Variants in PCDHGA8 observed in about 807,000 individuals in gnomAD.
PCDHGA8 encodes protocadherin gamma subfamily A, 8, also known as protocadherin gamma-A8.
Under a neutral mutation model 59.2 loss-of-function variants are expected in PCDHGA8, and 45 were observed. That is an observed-to-expected ratio of 0.76 (90% CI 0.60 to 0.98). The LOEUF (loss-of-function observed/expected upper bound fraction) is 0.98, where lower values mean the gene tolerates loss of function less well. PCDHGA8 is among the 50% of genes least tolerant of loss of function. PCDHGA8 has a pLI of 0.00. For synonymous variants in PCDHGA8, 531 were observed against 519.0 expected, an observed-to-expected ratio of 1.02 and a Z score of -0.32; for missense variants, 1,257 against 1,196.2, an observed-to-expected ratio of 1.05 and a Z score of -0.75.
chr5:141,476,557 C>T lies in PCDHGA8; in HGVS notation c.2425-18250C>T. On this transcript the variant is annotated intron_variant, in intron 1 of 3. Coordinates refer to ENST00000398604, the MANE Select transcript of PCDHGA8 (RefSeq NM_032088.2). This position sits in a 1 kb window ranked among gnomAD's most constrained non-coding sequence, Gnocchi z 7.6. ...AAATGAAATTGGAGATTAGCGAGGC[C>T]GTGGCTCCGGGGACGCGCTTTCCGC... The T allele has an allele frequency of 1.2e-6, 2 of 1,614,222 alleles. No homozygotes were observed. The highest frequency in any genetic ancestry group is 1.3e-5 in the African/African-American group (1 of 75,060).
Position 141,394,100 on chromosome 5 carries a change from A to G in PCDHGA8, c.1287A>G (p.Thr429=), listed in dbSNP as rs370480326. 2 of 1,613,942 alleles carry G rather than the reference A, an allele frequency of 1.2e-6. No individual in the cohort carries two copies. Among genetic ancestry groups the G allele is most frequent in the Non-Finnish European group, 1.7e-6 (2 of 1,179,848 alleles). Reference sequence around the variant, plus strand: ...CAGTGATGGCCTCAGATCTAGGAACACCACCTCTGTCCACTGAAACTCAAA... The same window carrying G: ...CAGTGATGGCCTCAGATCTAGGAACGCCACCTCTGTCCACTGAAACTCAAA... ...NITVMASDLG[T]PPLSTETQIA... Residue 429 remains threonine (T), a synonymous_variant, in exon 1 of 4, where the codon ACA becomes ACG. Coordinates refer to ENST00000398604, the MANE Select transcript of PCDHGA8 (RefSeq NM_032088.2).
intron 1 of PCDHGA8, among the ~76,000 whole-genome samples, chr5:141,407,816 ATAT>A (rs1270765996): frequency 6.6e-6 from 1 of 152,228 alleles, no homozygotes; most frequent in Non-Finnish European, 1.5e-5. Context: ...ATCTACTATA[ATAT>A]TATGGTGAGA....
At position 141,431,438 on chromosome 5, in the gene PCDHGA8, C is replaced by G. The variant is rs773812765; in HGVS notation, c.2424+36201C>G. The G allele has an allele frequency of 3.9e-5, 63 of 1,613,612 alleles. No homozygotes were observed. In the East Asian group the frequency reaches 1.4e-3, roughly 35 times the overall value. ...CGACCCGGTGCGCACAGGCACCGCG[C>G]GCATCCGCGTGATGGTTCTGGATGC... is the stretch of plus-strand genomic sequence containing the variant. On this transcript the variant is annotated intron_variant, in intron 1 of 3. Coordinates refer to ENST00000398604, the MANE Select transcript of PCDHGA8 (RefSeq NM_032088.2). The surrounding 1 kb of genome is among the most constrained non-coding windows in gnomAD (Gnocchi z 4.8).
At chr5:141,510,155 C>G (rs1044168112) in intron 3 of PCDHGA8, among the ~76,000 whole-genome samples, 2 of 151,942 alleles carry the variant, frequency 1.3e-5, no homozygotes, top group African/African-American at 4.8e-5. Context: ...CACCTGTAAT[C>G]TCAGCTACTC....
At chr5:141,460,977 G>A in intron 1 of PCDHGA8, among the ~76,000 whole-genome samples, 1 of 131,518 alleles carries the variant, frequency 7.6e-6, no homozygotes, top group African/African-American at 3.4e-5. Context: ...GTGTGTGTGT[G>A]TGTGTGTATA....
chr5:141,485,663 A>G lies in PCDHGA8; in HGVS notation c.2425-9144A>G, dbSNP rs1594506698. ...AAAGGCTCAGGATGCAGATGTGGGG[A>G]GCAATTCGATTAGCAGCTATAGGCT... On this transcript the variant is annotated intron_variant, in intron 1 of 3. Transcript: ENST00000398604. The surrounding 1 kb of genome is among the most constrained non-coding windows in gnomAD (Gnocchi z 5.7). The G allele has an allele frequency of 1.2e-6, 2 of 1,612,638 alleles. No homozygotes were observed. Among genetic ancestry groups the G allele is most frequent in the East Asian group, 4.5e-5 (2 of 44,840 alleles).
At chr5:141,415,185 C>G (rs375113497) in intron 1 of PCDHGA8, 66 of 1,613,860 alleles carry the variant, frequency 4.1e-5, no homozygotes, top group Non-Finnish European at 5.4e-5. Flanking sequence ...CCGTGGCCGA[C>G]AGCATCCCCC....
chr5:141,464,063 A>G (rs893270944), intron 1 of PCDHGA8, among the ~76,000 whole-genome samples: 2 of 152,016 alleles, frequency 1.3e-5, no homozygotes, highest in Non-Finnish European at 2.9e-5. Flanking sequence ...TCAGGAGTTC[A>G]AGGCCAGCCT....
chr5:141,405,331 C>G (rs1561699778), intron 1 of PCDHGA8: 1 of 1,614,186 alleles, frequency 6.2e-7, no homozygotes, highest in Non-Finnish European at 8.5e-7. Flanking sequence ...CTTTGTGCGT[C>G]TCTGTTGATT....
intron 1 of PCDHGA8, chr5:141,422,211 C>G: frequency 6.4e-7 from 1 of 1,563,286 alleles, no homozygotes; most frequent in Non-Finnish European, 8.6e-7. Context: ...GTGGAGGTCT[C>G]TTTACCACCA....
In PCDHGA8 at chr5:141,510,980, G is replaced by A; in HGVS notation, c.2606G>A (p.Gly869Asp). The change falls in exon 4 of 4, where the codon GGT becomes GAT. Residue 869 changes from glycine (G) to aspartate (D), a missense_variant. Transcript: ENST00000398604. ...AADGSSTLGGGAGTMGLSARY... is the reference protein window; with the variant it reads ...AADGSSTLGGDAGTMGLSARY... ...GATGGGAGCTCCACCCTGGGAGGGG[G>A]TGCCGGCACCATGGGATTGAGCGCC... 1 of 1,614,170 alleles carries A rather than the reference G, an allele frequency of 6.2e-7. No homozygotes were observed.
intron 1 of PCDHGA8, chr5:141,441,162 G>T (rs1009205566): frequency 6.6e-6 from 1 of 152,166 alleles, no homozygotes; most frequent in African/African-American, 2.4e-5. Context: ...TCCTAGAGGC[G>T]ATTTTTACTT....
At position 141,491,410 on chromosome 5, in the gene PCDHGA8, G is replaced by A. The variant is rs777207581; in HGVS notation, c.2425-3397G>A. The A allele has an allele frequency of 1.9e-6, 3 of 1,614,024 alleles. No homozygotes were observed. Among genetic ancestry groups the A allele is most frequent in the Admixed American group, 1.7e-5 (1 of 60,006 alleles). ...GTGCCTTCAGGGAAACGCAGACGGGGACGGGGGTGGAGGGCAGTGCTGCAG... is the reference window on the plus strand; with the variant it reads ...GTGCCTTCAGGGAAACGCAGACGGGAACGGGGGTGGAGGGCAGTGCTGCAG... On this transcript the variant is annotated intron_variant, in intron 1 of 3. Transcript: ENST00000398604. The surrounding 1 kb of genome is among the most constrained non-coding windows in gnomAD (Gnocchi z 6.9).
intron 1 of PCDHGA8, chr5:141,412,854 A>G (rs1356959630): frequency 4.5e-6 from 1 of 223,412 alleles, no homozygotes; most frequent in South Asian, 1.8e-4. Context: ...GAGAAACCAA[A>G]GAATCTATGT....
intron 1 of PCDHGA8, chr5:141,400,399 A>G: frequency 6.2e-7 from 1 of 1,614,054 alleles, no homozygotes; most frequent in Non-Finnish European, 8.5e-7. Context: ...TACAGGAAAG[A>G]CGGAGTTTAA....
rs754268147 is a variant in PCDHGA8, at chr5:141,410,352, G to C, written c.2424+15115G>C. ...CTGGCCATTGCCTTGCGCCTGCGAC[G>C]CTCTCTCAGCCCTGCTACTTGGGAC... On this transcript the variant is annotated intron_variant, in intron 1 of 3. Coordinates refer to ENST00000398604, the MANE Select transcript of PCDHGA8 (RefSeq NM_032088.2). The C allele has an allele frequency of 6.2e-6, 10 of 1,614,022 alleles. No homozygotes were observed. In the South Asian group the frequency reaches 1.1e-4, roughly 18 times the overall value.
chr5:141,403,788 A>G, intron 1 of PCDHGA8: 3 of 1,613,956 alleles, frequency 1.9e-6, no homozygotes, highest in South Asian at 1.1e-5. Context: ...AAAGTGGCAT[A>G]CAAATTCTGG....
At chr5:141,423,885 A>G in intron 1 of PCDHGA8, 6 of 1,277,816 alleles carry the variant, frequency 4.7e-6, no homozygotes, top group Non-Finnish European at 5.9e-6. Flanking sequence ...ATCTTGGCAT[A>G]TTTTCTTTTG....
chr5:141,454,228 T>C (rs6896225), intron 1 of PCDHGA8, among the ~76,000 whole-genome samples: 1,935 of 152,208 alleles, frequency 0.013, 54 homozygotes, highest in African/African-American at 0.044. Flanking sequence ...AAAGTAATTG[T>C]GATGAAAAGG....
Sources: gnomAD v4.1 joint callset for allele counts (sites outside exome capture counted in the v4.1 genomes callset) on GRCh38, gnomAD v4.1.1 for gene constraint, Gnocchi (gnomAD v3.1) non-coding constraint, MANE v1.5 for transcripts, NCBI Gene and HGNC (gene_info 2026-07-23, HGNC 2026-07-21) for gene names.